KCTD1: variants seen among roughly 807,000 people sequenced by gnomAD.
KCTD1 encodes the protein potassium channel tetramerization domain containing 1.
KCTD1 carries 24 observed loss-of-function variants against 66.0 expected under a neutral mutation model. The observed-to-expected ratio is 0.36, with a 90% CI of 0.26 to 0.51. The LOEUF (loss-of-function observed/expected upper bound fraction) is 0.51. Ranked by LOEUF, KCTD1 falls within the 20% of genes least tolerant of loss-of-function variation. The pLI, the probability that KCTD1 is intolerant of heterozygous loss-of-function variation, is 0.95. For missense variants in KCTD1, 943 were observed against 1,205.2 expected (o/e 0.78, Z 3.22); for synonymous variants, 511 against 517.2 (o/e 0.99, Z 0.16).
Position 26,547,613 on chromosome 18 carries a change from G to A in KCTD1, c.924C>T (p.Asn308=). 1.3e-6 allele frequency: 2 copies of A among 1,551,526 alleles called. No homozygotes were observed. Among genetic ancestry groups the A allele is most frequent in the African/African-American group, 1.4e-5 (1 of 73,194 alleles). Residue 308 remains asparagine, a synonymous_variant, in exon 1 of 5, where the codon AAC becomes AAT. Coordinates refer to ENST00000580059, the MANE Select transcript of KCTD1 (RefSeq NM_001142730.3). Reference sequence around the variant, plus strand: ...ACATGCACGTCTCGAACCAGACCTTGTTGAGCAGCCCGAAGGGCGTGTTGG... The same window carrying A: ...ACATGCACGTCTCGAACCAGACCTTATTGAGCAGCCCGAAGGGCGTGTTGG... ...FSTNTPFGLL[N]KVWFETCMYF...
At chr18:26,513,332 C>G (rs1405266438) in intron 1 of KCTD1, among the ~76,000 whole-genome samples, 17 of 152,000 alleles carry the variant, frequency 1.1e-4, no homozygotes, top group Admixed American at 1.0e-3. Flanking sequence ...CGTGATCTGC[C>G]CACTTCGGCC....
At chr18:26,496,848 A>G (rs1210970465) in intron 2 of KCTD1, among the ~76,000 whole-genome samples, 1 of 152,186 alleles carries the variant, frequency 6.6e-6, no homozygotes, top group East Asian at 1.9e-4. Flanking sequence ...GGCCATTATG[A>G]GATACATGAA....
chr18:26,549,772 T>G (rs1985476357), upstream of KCTD1: 3 of 985,502 alleles, frequency 3.0e-6, no homozygotes. Context: ...CGGGCTGCGC[T>G]GCCTCAGGCG....
At chr18:26,535,398 G>T (rs745754669) in intron 1 of KCTD1, among the ~76,000 whole-genome samples, 1 of 152,108 alleles carries the variant, frequency 6.6e-6, no homozygotes, top group Admixed American at 6.6e-5. Context: ...GCGAGCGTCA[G>T]ACCCCCAGCA....
chr18:26,464,600 C>G (rs967968222), intron 3 of KCTD1, among the ~76,000 whole-genome samples: 1 of 152,232 alleles, frequency 6.6e-6, no homozygotes, highest in African/African-American at 2.4e-5. Context: ...GCTGACAGAT[C>G]CTTAACACTC....
chr18:26,578,018 T>A (rs1345762870), intron 1 of KCTD1, among the ~76,000 whole-genome samples: 1 of 151,866 alleles, frequency 6.6e-6, no homozygotes, highest in Non-Finnish European at 1.5e-5. Context: ...TATTTTTCTA[T>A]TTGCCCCATC....
chr18:26,478,011 A>T (rs1013719435), intron 2 of KCTD1, among the ~76,000 whole-genome samples: 5 of 152,194 alleles, frequency 3.3e-5, no homozygotes, highest in African/African-American at 4.8e-5. Context: ...TTCATTTCTC[A>T]CTGACACATC....
upstream of KCTD1, among the ~76,000 whole-genome samples, chr18:26,645,007 G>T (rs1382197054): frequency 1.3e-5 from 2 of 152,146 alleles, no homozygotes; most frequent in Non-Finnish European, 2.9e-5. Context: ...GCCCATCAAG[G>T]CACTGCAAAA....
chr18:26,615,178 C>G lies in KCTD1; in HGVS notation c.-16+13969G>C, dbSNP rs149910542. 7.9e-5 allele frequency among the ~76,000 whole-genome samples: 12 copies of G among 152,302 alleles called. No individual in the cohort carries two copies. The East Asian group carries it at 1.9e-3, about 24-fold the overall frequency. ...CAAAGCTTTGTAAATAACTGCCCCC[C>G]ATCCCTTCCCACCCCATCCAACTCA... On this transcript the variant is annotated intron_variant, in intron 1 of 4. Transcript: ENST00000317932.
chr18:26,637,282 C>T (rs1461658733), intron 1 of KCTD1, among the ~76,000 whole-genome samples: 2 of 152,186 alleles, frequency 1.3e-5, no homozygotes, highest in African/African-American at 2.4e-5. Context: ...TCCTTCTGAA[C>T]CCCGGGCCAG....
chr18:26,615,839 G>A (rs1987238292), intron 1 of KCTD1, among the ~76,000 whole-genome samples: 1 of 152,166 alleles, frequency 6.6e-6, no homozygotes, highest in African/African-American at 2.4e-5. Flanking sequence ...TGCCCAGGCT[G>A]GAGTTCAATG....
chr18:26,640,089 A>C (rs765710014), intron 1 of KCTD1, among the ~76,000 whole-genome samples: 1 of 152,078 alleles, frequency 6.6e-6, no homozygotes, highest in Admixed American at 6.6e-5. Context: ...CAGAGAAGAG[A>C]GGTCTAAAGG....
intron 4 of KCTD1, chr18:26,456,902 G>A (rs1171045472): frequency 2.0e-5 from 3 of 149,448 alleles, no homozygotes; most frequent in African/African-American, 7.4e-5. Context: ...CCACCTTAAA[G>A]GCAAAGTGAT....
At chr18:26,562,078 C>T (rs1183597033) in intron 1 of KCTD1, among the ~76,000 whole-genome samples, 3 of 152,158 alleles carry the variant, frequency 2.0e-5, no homozygotes, top group East Asian at 3.9e-4. Flanking sequence ...ACTATGCCTT[C>T]GCCCTCCGCC....
chr18:26,504,673 T>C (rs553756788), intron 1 of KCTD1, among the ~76,000 whole-genome samples: 13 of 152,188 alleles, frequency 8.5e-5, no homozygotes, highest in African/African-American at 2.4e-4. Flanking sequence ...GTACCTGATA[T>C]ATAAGAACTT....
intron 1 of KCTD1, among the ~76,000 whole-genome samples, chr18:26,623,908 G>C (rs575134084): frequency 2.0e-4 from 30 of 152,356 alleles, no homozygotes; most frequent in Non-Finnish European, 3.1e-4. Context: ...GAATTTCCTA[G>C]AGACATGGTG....
At chr18:26,594,153 ATCT>A (rs1307936058) in intron 1 of KCTD1, among the ~76,000 whole-genome samples, 3 of 152,114 alleles carry the variant, frequency 2.0e-5, no homozygotes, top group Non-Finnish European at 4.4e-5. Context: ...TTTCTCTGTG[ATCT>A]TCTACTCCAT....
At position 26,564,157 on chromosome 18, in the gene KCTD1, T is replaced by C. The variant is rs557087202; in HGVS notation, c.-15-62907A>G. 9.2e-5 allele frequency among the ~76,000 whole-genome samples: 14 copies of C among 152,232 alleles called. No homozygotes were observed. The South Asian group carries it at 2.1e-3, about 23-fold the overall frequency. On this transcript the variant is annotated intron_variant, in intron 1 of 4. Transcript: ENST00000317932. ...TTTGGCTGTAAGCTCCGTGTATCCA[T>C]TCATTTTTTGCACAAGGAGAAGGAC...
chr18:26,643,695 G>T (rs373978760), upstream of KCTD1, among the ~76,000 whole-genome samples: 5 of 152,228 alleles, frequency 3.3e-5, no homozygotes, highest in African/African-American at 1.2e-4. Context: ...GGGTGCGGTG[G>T]CTCACGCCTG....
Sources: allele counts gnomAD v4.1 joint callset (sites outside exome capture counted in the v4.1 genomes callset), GRCh38; gene constraint gnomAD v4.1.1; transcripts MANE v1.5; gene names NCBI Gene and HGNC (gene_info 2026-07-23, HGNC 2026-07-21).